DOCK5: variants seen among roughly 807,000 people sequenced by gnomAD.
The protein encoded by DOCK5 is dedicator of cytokinesis protein 5.
Under a neutral mutation model 251.8 loss-of-function variants are expected in DOCK5, and 142 were observed. That is an observed-to-expected ratio of 0.56 (90% CI 0.49 to 0.65). The LOEUF (loss-of-function observed/expected upper bound fraction) is 0.65, where lower values mean the gene tolerates loss of function less well. Ranked by LOEUF, DOCK5 falls within the 30% of genes least tolerant of loss-of-function variation. DOCK5 has a pLI of 0.00. For missense variants in DOCK5, 2,111 were observed against 2,312.3 expected, an observed-to-expected ratio of 0.91 and a Z score of 1.79; for synonymous variants, 842 against 835.5, an observed-to-expected ratio of 1.01 and a Z score of -0.13.
intron 49 of DOCK5, 114 bp from the exon 50 acceptor site, chr8:25,408,688 C>T: frequency 7.7e-7 from 1 of 1,301,614 alleles, no homozygotes; most frequent in Non-Finnish European, 1.1e-6. Context: ...AAAAATCGCT[C>T]CTTCAGTTAA....
At chr8:25,229,172 C>G (rs528767950) in intron 1 of DOCK5, among the ~76,000 whole-genome samples, 2 of 152,028 alleles carry the variant, frequency 1.3e-5, no homozygotes, top group African/African-American at 4.8e-5. Context: ...GCCACACATA[C>G]GTTTCTTGAC....
intron 25 of DOCK5, among the ~76,000 whole-genome samples, chr8:25,345,066 T>C (rs1441108970): frequency 6.6e-6 from 1 of 152,208 alleles, no homozygotes; most frequent in Non-Finnish European, 1.5e-5. Context: ...TTATAGGAAC[T>C]TCTTTCAGTA....
At chr8:25,383,885 A>C (rs977517027) in intron 40 of DOCK5, among the ~76,000 whole-genome samples, 2 of 152,222 alleles carry the variant, frequency 1.3e-5, no homozygotes, top group Non-Finnish European at 2.9e-5. Context: ...ACTATAACCA[A>C]GAAAGATACC....
At chr8:25,235,058 T>C (rs1039741861) in intron 1 of DOCK5, among the ~76,000 whole-genome samples, 1 of 152,124 alleles carries the variant, frequency 6.6e-6, no homozygotes, top group Non-Finnish European at 1.5e-5. Flanking sequence ...GACTGCTCTT[T>C]ACTCACTGTC....
chr8:25,397,852 C>T (rs942118582), intron 45 of DOCK5, among the ~76,000 whole-genome samples: 3 of 152,122 alleles, frequency 2.0e-5, no homozygotes, highest in Non-Finnish European at 4.4e-5. Context: ...TACATACATA[C>T]GTACATTTCG....
chr8:25,246,884 T>A (rs1373335741), intron 2 of DOCK5, among the ~76,000 whole-genome samples: 1 of 147,592 alleles, frequency 6.8e-6, no homozygotes, highest in Non-Finnish European at 1.5e-5. Flanking sequence ...ATGTCTTTTG[T>A]TTTTTGTTTT....
intron 2 of DOCK5, among the ~76,000 whole-genome samples, chr8:25,266,069 A>G (rs1324929223): frequency 1.3e-5 from 2 of 151,904 alleles, no homozygotes; most frequent in African/African-American, 4.9e-5. Context: ...AATGTAGGCA[A>G]GAGTGGCCCT....
chr8:25,240,134 C>T (rs978778721), intron 1 of DOCK5, among the ~76,000 whole-genome samples: 2 of 152,136 alleles, frequency 1.3e-5, no homozygotes, highest in African/African-American at 4.8e-5. Flanking sequence ...GATGGCCACT[C>T]ATCAGGCCTG....
chr8:25,254,578 A>G (rs1224000204), intron 2 of DOCK5, among the ~76,000 whole-genome samples: 1 of 151,870 alleles, frequency 6.6e-6, no homozygotes, highest in African/African-American at 2.4e-5. Context: ...GATAGAGACC[A>G]TCCTGGCCAA....
intron 45 of DOCK5, among the ~76,000 whole-genome samples, chr8:25,396,555 A>G (rs186962994): frequency 6.6e-6 from 1 of 152,272 alleles, no homozygotes; most frequent in East Asian, 1.9e-4. Flanking sequence ...TCATGCATTC[A>G]GTGTATGTTA....
At chr8:25,281,049 A>G (rs951131729) in intron 5 of DOCK5, among the ~76,000 whole-genome samples, 4 of 151,788 alleles carry the variant, frequency 2.6e-5, no homozygotes, top group African/African-American at 7.3e-5. Context: ...CTAAAACACA[A>G]CTGGTGTGCC....
At chr8:25,329,753 A>G (rs1395290875) in intron 18 of DOCK5, among the ~76,000 whole-genome samples, 2 of 152,182 alleles carry the variant, frequency 1.3e-5, no homozygotes, top group Non-Finnish European at 1.5e-5. Context: ...AAAAAACTAG[A>G]GACAACCCAC....
intron 27 of DOCK5, among the ~76,000 whole-genome samples, chr8:25,358,366 G>C (rs1297504075): frequency 6.6e-6 from 1 of 152,164 alleles, no homozygotes; most frequent in Non-Finnish European, 1.5e-5. Flanking sequence ...AGACTAGCAT[G>C]AGTGTAACCG....
At chr8:25,299,354 C>T in intron 8 of DOCK5, 1 of 405,686 alleles carries the variant, frequency 2.5e-6, no homozygotes, top group East Asian at 4.4e-5. Context: ...GAGATGGGAA[C>T]AAAGAATTCA....
chr8:25,250,920 A>T (rs1260869782), intron 2 of DOCK5, among the ~76,000 whole-genome samples: 2 of 152,176 alleles, frequency 1.3e-5, no homozygotes, highest in Non-Finnish European at 2.9e-5. Flanking sequence ...TGTGACAAGG[A>T]CATTTCATCT....
rs1801664049 is a variant in DOCK5 at position 25,413,473 on chromosome 8, A to G, written c.*2175A>G. On this transcript the variant is annotated 3_prime_UTR_variant, in exon 52 of 52. Transcript: ENST00000276440. ...GAAAGGAGGAGGCAACAGACAGGAT[A>G]TGTAGGGGCTTACCTAGAGCCTGGC... 1 of 152,198 alleles carries G rather than the reference A, an allele frequency of 6.6e-6. No individual in the cohort carries two copies. Among genetic ancestry groups the G allele is most frequent in the Non-Finnish European group, 1.5e-5 (1 of 68,028 alleles). The allele number at this position is 152,198 out of a possible 1,614,324, so 9.4% of individuals were successfully genotyped here.
chr8:25,228,109 T>G (rs1216326545), intron 1 of DOCK5, among the ~76,000 whole-genome samples: 5 of 152,180 alleles, frequency 3.3e-5, no homozygotes, highest in Non-Finnish European at 7.3e-5. Context: ...ACTCCTGGGC[T>G]CAAGCGATCT....
chr8:25,338,693 A>T (rs1805875550), intron 22 of DOCK5, among the ~76,000 whole-genome samples: 2 of 152,180 alleles, frequency 1.3e-5, no homozygotes, highest in African/African-American at 4.8e-5. Flanking sequence ...ATTTCCATGT[A>T]TTCAGAATGG....
chr8:25,387,186 CTTTT>C (rs71551804), intron 40 of DOCK5, among the ~76,000 whole-genome samples: 1 of 124,644 alleles, frequency 8.0e-6, no homozygotes, highest in African/African-American at 3.1e-5. Context: ...AGACCAGTGA[CTTTT>C]TTTTTTTTTT....
Sources: allele counts gnomAD v4.1 joint callset (sites outside exome capture counted in the v4.1 genomes callset), GRCh38; gene constraint gnomAD v4.1.1; transcripts MANE v1.5; gene names NCBI Gene and HGNC (gene_info 2026-07-23, HGNC 2026-07-21).